Variants in WDR17 observed in about 807,000 individuals in gnomAD.
The protein encoded by WDR17 is WD repeat domain 17.
Under a neutral mutation model 161.7 loss-of-function variants are expected in WDR17, and 143 were observed. The ratio of observed to expected loss-of-function variants is 0.88; its 90% confidence interval spans 0.77 to 1.02. The LOEUF is 1.02. Among genes scored for constraint, WDR17 ranks in the 50% least tolerant of loss-of-function variants. The pLI, the probability that WDR17 is intolerant of heterozygous loss-of-function variation, is 0.00. For synonymous variants in WDR17, 517 were observed against 515.6 expected, an observed-to-expected ratio of 1.00 and a Z score of -0.04; for missense variants, 1,469 against 1,520.9, an observed-to-expected ratio of 0.97 and a Z score of 0.57.
intron 23 of WDR17, among the ~76,000 whole-genome samples, chr4:176,171,773 AT>A (rs77463468): frequency 0.035 from 5,326 of 151,214 alleles, 291 homozygotes; most frequent in African/African-American, 0.12. Flanking sequence ...ACAGAAAAAG[AT>A]TTTTTTTTAA....
At chr4:176,089,028 A>G (rs1210394480) in intron 1 of WDR17, among the ~76,000 whole-genome samples, 4 of 152,176 alleles carry the variant, frequency 2.6e-5, no homozygotes, top group Non-Finnish European at 5.9e-5. Flanking sequence ...TAATCTAATT[A>G]CACTGTATCT....
At position 176,179,731 on chromosome 4, in the gene WDR17, A is replaced by G. The variant is rs62339456; in HGVS notation, c.*152A>G. The G allele has an allele frequency of 0.043, 19,482 of 449,626 alleles. 556 individuals are homozygous for G. The highest frequency in any genetic ancestry group is 0.071 in the Middle Eastern group (102 of 1,446). 27.9% of individuals were successfully genotyped at this position (449,626 alleles called of 1,614,324 possible). ...AAATAGCAGTGAATTTTAGTCATTAACTTCAAAATATATATATATATATAA... is the reference window on the plus strand; with the variant it reads ...AAATAGCAGTGAATTTTAGTCATTAGCTTCAAAATATATATATATATATAA... On this transcript the variant is annotated 3_prime_UTR_variant, in exon 29 of 29. Transcript: ENST00000508596.
chr4:176,160,844 A>G, intron 19 of WDR17, 67 bp from the exon 20 acceptor site: 3 of 1,307,896 alleles, frequency 2.3e-6, no homozygotes, highest in East Asian at 2.4e-5. Flanking sequence ...GCTCAAAATC[A>G]TATTCTGAAA....
At chr4:176,148,909 G>A (rs566539818) in intron 13 of WDR17, among the ~76,000 whole-genome samples, 1 of 152,216 alleles carries the variant, frequency 6.6e-6, no homozygotes, top group Admixed American at 6.5e-5. Flanking sequence ...AAACTTTGAT[G>A]GGAGTAAATG....
intron 12 of WDR17, among the ~76,000 whole-genome samples, chr4:176,147,617 A>G (rs1404289599): frequency 6.6e-6 from 1 of 152,178 alleles, no homozygotes; most frequent in Non-Finnish European, 1.5e-5. Context: ...AATATATTAA[A>G]TTACTGTATC....
At position 176,135,191 on chromosome 4, in the gene WDR17, A is replaced by G; in HGVS notation, c.1182A>G (p.Ile394Met). The G allele has an allele frequency of 6.2e-7, 1 of 1,612,438 alleles. No individual in the cohort carries two copies. The highest frequency in any genetic ancestry group is 8.5e-7 in the Non-Finnish European group (1 of 1,178,730). The change falls in exon 8 of 29, where the codon ATA (isoleucine) becomes ATG (methionine). Residue 394 changes from isoleucine (I) to methionine (M), a missense_variant. Physicochemically the swap from Ile to Met is conservative, Grantham distance 10 (BLOSUM62 1). Coordinates refer to ENST00000508596, the MANE Select transcript of WDR17 (RefSeq NM_181265.4). ...CAACAGCTTCATTTGATGGCACTAT[A>G]AAAGTCTGGGATATAAACACATTAA... ...LLATASFDGTIKVWDINTLTA... is the reference protein window; with the variant it reads ...LLATASFDGTMKVWDINTLTA...
chr4:176,081,248 G>C (rs2126592185), intron 1 of WDR17, among the ~76,000 whole-genome samples: 1 of 152,174 alleles, frequency 6.6e-6, no homozygotes, highest in South Asian at 2.1e-4. Context: ...ATGTTTCAAA[G>C]ACTCCCCATC....
chr4:176,153,545 T>C (rs1227640193), intron 17 of WDR17, among the ~76,000 whole-genome samples: 5 of 152,222 alleles, frequency 3.3e-5, no homozygotes, highest in African/African-American at 1.2e-4. Context: ...CTTTTCTGTA[T>C]ATGCATTTTA....
At chr4:176,105,867 A>C (rs949385833) in intron 1 of WDR17, among the ~76,000 whole-genome samples, 1 of 152,098 alleles carries the variant, frequency 6.6e-6, no homozygotes, top group Non-Finnish European at 1.5e-5. Context: ...AAGCAGAGAT[A>C]AATGAAGTAG....
At chr4:176,104,785 TAACTA>T (rs1231551288) in intron 1 of WDR17, among the ~76,000 whole-genome samples, 5 of 151,862 alleles carry the variant, frequency 3.3e-5, no homozygotes, top group African/African-American at 1.2e-4. Flanking sequence ...CTGCAAAAAT[TAACTA>T]AACACAAAAG....
At chr4:176,105,833 A>G (rs916604190) in intron 1 of WDR17, among the ~76,000 whole-genome samples, 6 of 151,978 alleles carry the variant, frequency 3.9e-5, no homozygotes, top group Non-Finnish European at 8.8e-5. Context: ...TAAACCCAAA[A>G]CTAGAATGAA....
At chr4:176,161,032 T>C in intron 20 of WDR17, 30 bp downstream of exon 20, 1 of 1,551,360 alleles carries the variant, frequency 6.4e-7, no homozygotes, top group Non-Finnish European at 8.8e-7. Flanking sequence ...TGGGTCCATA[T>C]GTTTTATGGT....
At chr4:176,089,653 G>A (rs1039226599) in intron 1 of WDR17, among the ~76,000 whole-genome samples, 25 of 152,102 alleles carry the variant, frequency 1.6e-4, no homozygotes, top group Non-Finnish European at 2.9e-4. Context: ...TATGAGTGCC[G>A]AGTGTAGTAT....
chr4:176,149,659 T>C (rs996268578), intron 13 of WDR17, 148 bp from the exon 14 acceptor site: 4 of 767,778 alleles, frequency 5.2e-6, no homozygotes, highest in Admixed American at 3.2e-5. Context: ...GCCAGTATAT[T>C]AAATGCAGAT....
intron 9 of WDR17, among the ~76,000 whole-genome samples, chr4:176,139,025 T>C (rs918141718): frequency 6.6e-6 from 1 of 151,750 alleles, no homozygotes; most frequent in Non-Finnish European, 1.5e-5. Context: ...AAAGGACTAG[T>C]CCCATTTTTA....
intron 10 of WDR17, among the ~76,000 whole-genome samples, chr4:176,140,513 A>G (rs949864572): frequency 2.0e-5 from 3 of 152,152 alleles, no homozygotes; most frequent in Non-Finnish European, 2.9e-5. Context: ...AATTCTGTTA[A>G]GTTCCAGAAA....
intron 22 of WDR17, among the ~76,000 whole-genome samples, chr4:176,167,697 A>G (rs548648015): frequency 2.0e-5 from 3 of 148,938 alleles, no homozygotes; most frequent in South Asian, 4.3e-4. Context: ...ATTGAAAGTT[A>G]AGTGTTTTCT....
At position 176,181,697 on chromosome 4, in the gene WDR17, T is replaced by C. The variant is rs1420819691; in HGVS notation, c.*2118T>C. On this transcript the variant is annotated 3_prime_UTR_variant, in exon 29 of 29. Coordinates refer to ENST00000508596, the MANE Select transcript of WDR17 (RefSeq NM_181265.4). ...AATCCTACTGTCATTCTTTTTATTT[T>C]AAAATAAATAAATAAGCCTATCTTT... 6.5e-6 allele frequency: 1 copy of C among 152,976 alleles called. No homozygotes were observed. Among genetic ancestry groups the C allele is most frequent in the Non-Finnish European group, 1.5e-5 (1 of 68,360 alleles). The allele number at this position is 152,976 out of a possible 1,614,324, so 9.5% of individuals were successfully genotyped here.
At position 176,163,243 on chromosome 4, in the gene WDR17, C is replaced by T. The variant is rs1174629975; in HGVS notation, c.2940C>T (p.Thr980=). Residue 980 remains threonine, a synonymous_variant, in exon 22 of 29, where the codon ACC becomes ACT. Transcript: ENST00000508596. ...TVLGESAAPA[T]HYALELLARK... ...TAGGAGAGTCTGCAGCACCAGCAACCCACTATGCCTTAGAATTACTGGCGA... is the reference window on the plus strand; with the variant it reads ...TAGGAGAGTCTGCAGCACCAGCAACTCACTATGCCTTAGAATTACTGGCGA... 14 of 1,613,298 alleles carry T rather than the reference C, an allele frequency of 8.7e-6. No homozygotes were observed. The highest frequency in any genetic ancestry group is 1.2e-5 in the Non-Finnish European group (14 of 1,179,760).
Sources: allele counts gnomAD v4.1 joint callset (sites outside exome capture counted in the v4.1 genomes callset), GRCh38; gene constraint gnomAD v4.1.1; transcripts MANE v1.5; gene names NCBI Gene and HGNC (gene_info 2026-07-23, HGNC 2026-07-21).